The following ATP8B4 variants were observed in gnomAD, a reference collection of about 807,000 sequenced individuals.
ATP8B4 encodes probable phospholipid-transporting ATPase IM.
Under a neutral mutation model 145.6 loss-of-function variants are expected in ATP8B4, and 133 were observed. That is an observed-to-expected ratio of 0.91 (90% CI 0.79 to 1.05). The LOEUF (loss-of-function observed/expected upper bound fraction) is 1.05, where lower values mean the gene tolerates loss of function less well. Ranked by LOEUF, ATP8B4 falls within the 50% of genes least tolerant of loss-of-function variation. The pLI is 0.00. For missense variants in ATP8B4, 1,458 were observed against 1,425.2 expected (o/e 1.02, Z -0.37); for synonymous variants, 507 against 492.9 (o/e 1.03, Z -0.38).
chr15:50,149,138 T>C (rs1038996422), intron 1 of ATP8B4, among the ~76,000 whole-genome samples: 4 of 152,194 alleles, frequency 2.6e-5, no homozygotes, highest in Admixed American at 6.5e-5. Flanking sequence ...TGGTGGCAGT[T>C]GAGAACATTG....
intron 5 of ATP8B4, among the ~76,000 whole-genome samples, chr15:50,042,154 T>TAAAA (rs34554435): frequency 1.5e-5 from 2 of 134,866 alleles, no homozygotes; most frequent in Non-Finnish European, 3.2e-5. Flanking sequence ...GACTCTGTCT[T>TAAAA]AAAAAAAAAA....
chr15:50,071,807 T>G (rs961859842), intron 3 of ATP8B4, among the ~76,000 whole-genome samples: 4 of 152,298 alleles, frequency 2.6e-5, no homozygotes, highest in African/African-American at 9.6e-5. Context: ...AGGGATTTCT[T>G]GTCTCAAGAG....
intron 1 of ATP8B4, among the ~76,000 whole-genome samples, chr15:50,116,621 A>T (rs2057166981): frequency 6.6e-6 from 1 of 152,186 alleles, no homozygotes; most frequent in Admixed American, 6.5e-5. Context: ...AAGAGAGGTG[A>T]GGAAAGGACA....
At chr15:50,048,837 T>C (rs1368895910) in intron 3 of ATP8B4, among the ~76,000 whole-genome samples, 3 of 152,142 alleles carry the variant, frequency 2.0e-5, no homozygotes, top group Non-Finnish European at 4.4e-5. Flanking sequence ...ATTTGACCAC[T>C]ATACAACCTT....
intron 7 of ATP8B4, among the ~76,000 whole-genome samples, chr15:50,004,302 T>G (rs1215630123): frequency 6.6e-6 from 1 of 152,138 alleles, no homozygotes; most frequent in African/African-American, 2.4e-5. Flanking sequence ...GGCAGGCCTA[T>G]TTTCTAGTGC....
chr15:49,966,757 C>G (rs191815296), intron 13 of ATP8B4, among the ~76,000 whole-genome samples: 1 of 152,344 alleles, frequency 6.6e-6, no homozygotes, highest in Admixed American at 6.5e-5. Flanking sequence ...CAGCACAGCA[C>G]TCCAGCTCTG....
At chr15:49,982,802 C>T (rs979110703) in intron 10 of ATP8B4, among the ~76,000 whole-genome samples, 4 of 152,140 alleles carry the variant, frequency 2.6e-5, no homozygotes, top group East Asian at 1.9e-4. Context: ...ATCTCCCACT[C>T]GTTACTCAAC....
Position 49,866,329 on chromosome 15 carries a change from C to A in ATP8B4, c.3166+17G>T. On this transcript the variant is annotated intron_variant, in intron 26 of 27. Coordinates refer to ENST00000284509, the MANE Select transcript of ATP8B4 (RefSeq NM_024837.4). ...GCAGCAGACACTAGGTTCCACTAGT[C>A]AACATGACTCACTTACCAACAAATG... is the stretch of plus-strand genomic sequence containing the variant. The A allele has an allele frequency of 1.2e-6, 2 of 1,612,608 alleles. No homozygotes were observed. Among genetic ancestry groups the A allele is most frequent in the South Asian group, 2.2e-5 (2 of 90,916 alleles).
chr15:49,975,982 A>G (rs2045623440), intron 12 of ATP8B4, among the ~76,000 whole-genome samples: 1 of 152,166 alleles, frequency 6.6e-6, no homozygotes, highest in South Asian at 2.1e-4. Context: ...CTGTAAAGTG[A>G]GAAAGTTGGG....
At position 50,174,304 on chromosome 15, in the gene ATP8B4, C is replaced by T. The variant is rs187519434; in HGVS notation, c.-43+7957G>A. On this transcript the variant is annotated intron_variant, in intron 1 of 3. Coordinates refer to the ATP8B4 transcript ENST00000558829. ...GGAAGTCCTAGCCAGAGTAATCAGA[C>T]GAGAGAAAGAAATATAGAGCATCCA... Among the ~76,000 whole-genome samples, 22 of 152,084 alleles carry T rather than the reference C, an allele frequency of 1.4e-4. No homozygotes were observed. In the East Asian group the frequency reaches 4.1e-3, roughly 28 times the overall value.
rs530296819 is a variant in ATP8B4, at chr15:50,017,725, C to T, written c.363-6808G>A. Among the ~76,000 whole-genome samples the T allele has an allele frequency of 5.6e-4, 85 of 152,210 alleles. No individual in the cohort carries two copies. The South Asian group carries it at 0.016, about 29-fold the overall frequency. On this transcript the variant is annotated intron_variant, in intron 6 of 27. Coordinates refer to ENST00000284509, the MANE Select transcript of ATP8B4 (RefSeq NM_024837.4). ...ACAAGCCATAGCAACACAGACAAAG[C>T]GAAAGTGTTGCTCAATGGTGTGATG...
intron 15 of ATP8B4, 58 bp from the exon 16 acceptor site, chr15:49,931,365 T>C (rs2041238794): frequency 6.7e-6 from 10 of 1,501,128 alleles, no homozygotes; most frequent in African/African-American, 2.8e-5. Flanking sequence ...TTCATAGAGT[T>C]CCAATGCCAA....
chr15:50,004,483 C>T (rs2048158762), intron 7 of ATP8B4, among the ~76,000 whole-genome samples: 1 of 152,322 alleles, frequency 6.6e-6, no homozygotes, highest in African/African-American at 2.4e-5. Context: ...CTCAAGCTGA[C>T]TCATCCAGTA....
intron 20 of ATP8B4, chr15:49,902,005 T>G: frequency 4.5e-6 from 1 of 223,572 alleles, no homozygotes; most frequent in Non-Finnish European, 9.0e-6. Flanking sequence ...AGAGGAAGAT[T>G]GTATGGTGAC....
At chr15:50,168,261 G>A (rs944457735) in intron 1 of ATP8B4, among the ~76,000 whole-genome samples, 27 of 152,256 alleles carry the variant, frequency 1.8e-4, no homozygotes, top group African/African-American at 6.3e-4. Context: ...CAGAGCGACT[G>A]CAAGAACAAA....
intron 3 of ATP8B4, among the ~76,000 whole-genome samples, chr15:50,053,889 G>C (rs1238045965): frequency 6.6e-6 from 1 of 152,082 alleles, no homozygotes; most frequent in Non-Finnish European, 1.5e-5. Flanking sequence ...AAAGCAAATA[G>C]AAAATAACAA....
At chr15:50,067,695 T>G (rs1332220542) in intron 3 of ATP8B4, among the ~76,000 whole-genome samples, 1 of 152,154 alleles carries the variant, frequency 6.6e-6, no homozygotes, top group East Asian at 1.9e-4. Context: ...TTGTACCCCC[T>G]TTCTTAATAG....
At chr15:49,925,965 A>C (rs1007127118) in intron 16 of ATP8B4, among the ~76,000 whole-genome samples, 4 of 152,304 alleles carry the variant, frequency 2.6e-5, no homozygotes, top group African/African-American at 9.6e-5. Flanking sequence ...CAAAGGTTAC[A>C]GTTTTTAGGT....
At chr15:50,160,015 C>CTTTTTTT (rs35773416) in intron 1 of ATP8B4, among the ~76,000 whole-genome samples, 508 of 20,076 alleles carry the variant, frequency 0.025, 86 homozygotes, top group Admixed American at 0.055. Flanking sequence ...CAGGTCCTGG[C>CTTTTTTT]TTTTTTTTTT....
Sources: allele counts gnomAD v4.1 joint callset (sites outside exome capture counted in the v4.1 genomes callset), GRCh38; gene constraint gnomAD v4.1.1; transcripts MANE v1.5; gene names NCBI Gene and HGNC (gene_info 2026-07-23, HGNC 2026-07-21).